The following CACNA2D2 variants were observed in gnomAD, a reference collection of about 807,000 sequenced individuals.
CACNA2D2 encodes the protein voltage-dependent calcium channel subunit alpha-2/delta-2.
A neutral mutation model predicts 166.4 loss-of-function variants in CACNA2D2; 48 were observed. That is an observed-to-expected ratio of 0.29 (90% confidence interval 0.23 to 0.37). The LOEUF (loss-of-function observed/expected upper bound fraction) is 0.37, where lower values mean the gene tolerates loss of function less well. Among genes scored for constraint, CACNA2D2 ranks in the 10% least tolerant of loss-of-function variants. The pLI is 1.00. For missense variants in CACNA2D2, 1,122 were observed against 1,433.0 expected (o/e 0.78, Z 3.50); for synonymous variants, 561 against 573.7 (o/e 0.98, Z 0.32).
At chr3:50,408,314 A>G (rs1706820263) in intron 3 of CACNA2D2, among the ~76,000 whole-genome samples, 1 of 152,242 alleles carries the variant, frequency 6.6e-6, no homozygotes, top group Admixed American at 6.5e-5. Context: ...TGGGAGCAGG[A>G]GCCAGACTCT....
chr3:50,419,232 G>A (rs1302137231), intron 3 of CACNA2D2, among the ~76,000 whole-genome samples: 5 of 152,188 alleles, frequency 3.3e-5, no homozygotes, highest in Admixed American at 3.3e-4. Flanking sequence ...AGGGACCTGA[G>A]GACATGGTGG....
chr3:50,486,588 G>A (rs916728908), intron 1 of CACNA2D2, among the ~76,000 whole-genome samples: 2 of 152,160 alleles, frequency 1.3e-5, no homozygotes, highest in Admixed American at 1.3e-4. Flanking sequence ...GCCAAGCGAA[G>A]ACAGAACTCA....
At chr3:50,440,048 C>T (rs1708517266) in intron 2 of CACNA2D2, among the ~76,000 whole-genome samples, 1 of 152,238 alleles carries the variant, frequency 6.6e-6, no homozygotes, top group Admixed American at 6.5e-5. Context: ...GACCCTCTAC[C>T]ACTGACAGCA....
intron 4 of CACNA2D2, among the ~76,000 whole-genome samples, chr3:50,392,129 T>C (rs566682424): frequency 6.0e-4 from 91 of 152,190 alleles, no homozygotes; most frequent in African/African-American, 2.1e-3. Context: ...CTGAAGGTCA[T>C]TGGAAGGATG....
chr3:50,459,450 G>A (rs1194954264), intron 2 of CACNA2D2, among the ~76,000 whole-genome samples: 3 of 152,096 alleles, frequency 2.0e-5, no homozygotes, highest in Non-Finnish European at 4.4e-5. Context: ...CACCTGACTC[G>A]TGGTGGGGAT....
chr3:50,384,545 C>T (rs1356296969), intron 5 of CACNA2D2, among the ~76,000 whole-genome samples: 2 of 152,166 alleles, frequency 1.3e-5, no homozygotes, highest in African/African-American at 4.8e-5. Context: ...CCTGTGACTC[C>T]CATCTCCCCC....
Position 50,366,677 on chromosome 3 carries a change from C to G in CACNA2D2, c.2590-52G>C, listed in dbSNP as rs376637315. On this transcript the variant is annotated intron_variant, in intron 29 of 37. Coordinates refer to ENST00000424201, the MANE Select transcript of CACNA2D2 (RefSeq NM_006030.4). The surrounding 1 kb of genome is among the most constrained non-coding windows in gnomAD (Gnocchi z 5.9). ...AGCCACCCACCAGTTTTCCTCCCTC[C>G]CATCACCTTTCATACATCCGGTTCC... 1.3e-4 allele frequency: 212 copies of G among 1,607,502 alleles called. No homozygotes were observed. Among genetic ancestry groups the G allele is most frequent in the Non-Finnish European group, 1.7e-4 (199 of 1,174,572 alleles).
Position 50,381,111 on chromosome 3 carries a change from T to C in CACNA2D2, c.668A>G (p.Asn223Ser), listed in dbSNP as rs587730743. Residue 223 changes from asparagine to serine, a missense_variant, in exon 7 of 38, where the codon AAT becomes AGT. Physicochemically the swap from Asn to Ser is conservative, Grantham distance 46 (BLOSUM62 1). Transcript: ENST00000424201. ...CAGGGCCTCTGTCCAGTTGAGCTCA[T>C]TGAGGATGACAGTGGCTGGGGGGAA... ...DIYKGSTVILNELNWTEALEN... is the reference protein window; with the variant it reads ...DIYKGSTVILSELNWTEALEN... 2 of 1,613,770 alleles carry C rather than the reference T, an allele frequency of 1.2e-6. No individual in the cohort carries two copies. Among genetic ancestry groups the C allele is most frequent in the African/African-American group, 1.3e-5 (1 of 74,956 alleles).
Position 50,367,865 on chromosome 3 carries a change from C to G in CACNA2D2, c.2181G>C (p.Thr727=). Reference sequence around the variant, plus strand: ...GCTCTACCAGCTGCTGCGTGATGCCCGTGTCCAAGATCAGGTTGTGCAGAA... The same window carrying G: ...GCTCTACCAGCTGCTGCGTGATGCCGGTGTCCAAGATCAGGTTGTGCAGAA... ...NFLLHNLILD[T]GITQQLVERV... Residue 727 remains threonine, a synonymous_variant, in exon 25 of 38, where the codon ACG becomes ACC. Transcript: ENST00000424201. This position sits in a 1 kb window ranked among gnomAD's most constrained non-coding sequence, Gnocchi z 6.5. The G allele has an allele frequency of 4.3e-6, 6 of 1,403,286 alleles. No individual in the cohort carries two copies. Among genetic ancestry groups the G allele is most frequent in the Admixed American group, 2.0e-5 (1 of 51,138 alleles). The allele number at this position is 1,403,286 out of a possible 1,614,324, so 86.9% of individuals were successfully genotyped here. A position where few individuals can be genotyped will look rare whatever the true frequency, so the allele number is the denominator to read the frequency against.
At chr3:50,391,339 C>G (rs1028087893) in intron 4 of CACNA2D2, among the ~76,000 whole-genome samples, 1 of 152,226 alleles carries the variant, frequency 6.6e-6, no homozygotes, top group African/African-American at 2.4e-5. Flanking sequence ...TCCCCCCTCC[C>G]CTTCCCACGC....
chr3:50,456,280 G>A (rs2106981961), intron 2 of CACNA2D2, among the ~76,000 whole-genome samples: 1 of 152,330 alleles, frequency 6.6e-6, no homozygotes, highest in South Asian at 2.1e-4. Flanking sequence ...TGGCTCCCAA[G>A]ACACAAAAGC....
Position 50,363,765 on chromosome 3 carries a change from G to A in CACNA2D2, c.*901C>T, listed in dbSNP as rs1704058175. The stretch of plus-strand genomic sequence containing the variant: ...CAATGAGCACCTGGAGAGGTGAGGG[G>A]GCACTTGGAGGACACTGGTGGCTAG... On this transcript the variant is annotated 3_prime_UTR_variant, in exon 38 of 38. Transcript: ENST00000424201. 1 of 153,574 alleles carries A rather than the reference G, an allele frequency of 6.5e-6. No homozygotes were observed. Among genetic ancestry groups the A allele is most frequent in the African/African-American group, 2.4e-5 (1 of 41,472 alleles). 9.5% of individuals were successfully genotyped at this position (153,574 alleles called of 1,614,324 possible). A position where few individuals can be genotyped will look rare whatever the true frequency, so the allele number is the denominator to read the frequency against.
At chr3:50,451,903 T>C (rs907565544) in intron 2 of CACNA2D2, among the ~76,000 whole-genome samples, 1 of 152,142 alleles carries the variant, frequency 6.6e-6, no homozygotes, top group African/African-American at 2.4e-5. Context: ...AGAGAGTTCT[T>C]GTGACTCACC....
intron 2 of CACNA2D2, among the ~76,000 whole-genome samples, chr3:50,460,104 A>C (rs1378759579): frequency 6.6e-6 from 1 of 152,354 alleles, no homozygotes; most frequent in East Asian, 1.9e-4. Context: ...TAAATAAATA[A>C]ATACATAAAT....
At chr3:50,449,275 G>A (rs1406392740) in intron 2 of CACNA2D2, among the ~76,000 whole-genome samples, 1 of 152,224 alleles carries the variant, frequency 6.6e-6, no homozygotes, top group Non-Finnish European at 1.5e-5. Flanking sequence ...ACCTCACCAT[G>A]AGCCCTGATG....
At chr3:50,465,739 A>G (rs929047) in intron 2 of CACNA2D2, among the ~76,000 whole-genome samples, 23,923 of 152,132 alleles carry the variant, frequency 0.16, 3,008 homozygotes, top group East Asian at 0.62. Context: ...GCCTGCCTGC[A>G]AGGCATGCAG....
intron 3 of CACNA2D2, among the ~76,000 whole-genome samples, chr3:50,422,441 C>G (rs1331138029): frequency 6.6e-6 from 1 of 152,198 alleles, no homozygotes; most frequent in Non-Finnish European, 1.5e-5. Context: ...AATGCCCCTT[C>G]CCTGTGCTTC....
intron 2 of CACNA2D2, among the ~76,000 whole-genome samples, chr3:50,463,674 C>A (rs1709690080): frequency 6.6e-6 from 1 of 152,232 alleles, no homozygotes; most frequent in African/African-American, 2.4e-5. Flanking sequence ...CTGCAAATGT[C>A]TTTGCCACCT....
rs749510294 is a variant in CACNA2D2, at chr3:50,366,028, G to T, written c.2845C>A (p.Pro949Thr). The change falls in exon 32 of 38, where the codon CCC (proline) becomes ACC (threonine). Residue 949 changes from proline to threonine, a missense_variant. Coordinates refer to ENST00000424201, the MANE Select transcript of CACNA2D2 (RefSeq NM_006030.4). This position sits in a 1 kb window ranked among gnomAD's most constrained non-coding sequence, Gnocchi z 5.9. ...GGACTCACCACAAAGACACCCCGGG[G>T]TGCAGCACCCAGGTTGCCAGGGGGC... ...PQPPGNLGAA[P>T]RGVFVPTVAD... 6.2e-7 allele frequency: 1 copy of T among 1,612,982 alleles called. No individual in the cohort carries two copies. The highest frequency in any genetic ancestry group is 1.3e-5 in the African/African-American group (1 of 75,032).
Sources: allele counts gnomAD v4.1 joint callset (sites outside exome capture counted in the v4.1 genomes callset), GRCh38; gene constraint gnomAD v4.1.1; non-coding constraint Gnocchi (gnomAD v3.1); transcripts MANE v1.5; gene names NCBI Gene and HGNC (gene_info 2026-07-23, HGNC 2026-07-21).